Variants in CRPPA observed in about 807,000 individuals in gnomAD.
CRPPA encodes the protein D-ribitol-5-phosphate cytidylyltransferase.
Under a neutral mutation model 52.0 loss-of-function variants are expected in CRPPA, and 43 were observed. The observed-to-expected ratio is 0.83, with a 90% CI of 0.65 to 1.07. CRPPA has a LOEUF of 1.07. Among genes scored for constraint, CRPPA ranks in the 50% least tolerant of loss-of-function variants. CRPPA has a pLI of 0.00. For synonymous variants in CRPPA, 250 were observed against 203.5 expected (o/e 1.23, Z -1.94); for missense variants, 629 against 551.7 (o/e 1.14, Z -1.40).
At chr7:16,214,270 C>T (rs1782242690) in intron 9 of CRPPA, among the ~76,000 whole-genome samples, 1 of 152,146 alleles carries the variant, frequency 6.6e-6, no homozygotes. Flanking sequence ...GGCAACATTA[C>T]ACTTTACTGG....
At chr7:16,209,799 T>C (rs1413510238) in intron 9 of CRPPA, among the ~76,000 whole-genome samples, 2 of 152,220 alleles carry the variant, frequency 1.3e-5, no homozygotes, top group Non-Finnish European at 2.9e-5. Context: ...AATTTAAGTT[T>C]GGTATCTAAA....
At chr7:16,276,696 A>G (rs905310229) in intron 6 of CRPPA, 6 of 152,206 alleles carry the variant, frequency 3.9e-5, no homozygotes, top group Admixed American at 1.3e-4. Flanking sequence ...AGGTATCAAC[A>G]TAAGGATTGT....
In CRPPA at chr7:16,146,290, T is replaced by A. The variant is rs949196081; in HGVS notation, c.1252-54491A>T. Among the ~76,000 whole-genome samples the A allele has an allele frequency of 1.9e-4, 29 of 151,876 alleles. 1 individual carries two copies. The highest frequency in any genetic ancestry group is 7.0e-4 in the African/African-American group (29 of 41,378). On this transcript the variant is annotated intron_variant, in intron 9 of 9. Coordinates refer to ENST00000407010, the MANE Select transcript of CRPPA (RefSeq NM_001101426.4). ...GTGGAGAGATAAAGACTTTCCTTTA[T>A]CTCTTTATCTCTTTATTTGTTCTTT...
chr7:16,346,882 G>A (rs1293559666), intron 3 of CRPPA, among the ~76,000 whole-genome samples: 1 of 151,916 alleles, frequency 6.6e-6, no homozygotes, highest in Non-Finnish European at 1.5e-5. Context: ...AGGAGAAACA[G>A]TCCTGTGTAT....
chr7:16,373,926 CCA>C (rs1786814120), intron 3 of CRPPA, among the ~76,000 whole-genome samples: 1 of 152,142 alleles, frequency 6.6e-6, no homozygotes, highest in Non-Finnish European at 1.5e-5. Flanking sequence ...TTTTATTTTG[CCA>C]CATTCAACAG....
intron 9 of CRPPA, among the ~76,000 whole-genome samples, chr7:16,207,320 T>G (rs548808706): frequency 6.6e-6 from 1 of 152,298 alleles, no homozygotes; most frequent in Admixed American, 6.5e-5. Context: ...TTTCAAAGCA[T>G]TCAGTCTTAT....
At chr7:16,380,891 A>G (rs970783392) in intron 2 of CRPPA, among the ~76,000 whole-genome samples, 30 of 151,050 alleles carry the variant, frequency 2.0e-4, no homozygotes, top group African/African-American at 5.6e-4. Flanking sequence ...TTTCTTCTTT[A>G]TTAGTCTTGC....
intron 9 of CRPPA, among the ~76,000 whole-genome samples, chr7:16,127,801 A>C (rs1782607567): frequency 6.6e-6 from 1 of 152,174 alleles, no homozygotes; most frequent in Admixed American, 6.6e-5. Flanking sequence ...AAAAATAATA[A>C]ATCACAAAAA....
chr7:16,173,091 C>T (rs1485322958), intron 9 of CRPPA, among the ~76,000 whole-genome samples: 1 of 152,172 alleles, frequency 6.6e-6, no homozygotes, highest in African/African-American at 2.4e-5. Flanking sequence ...CAGTGATTAT[C>T]AAGGTCGTTT....
At chr7:16,357,351 G>A (rs569022085) in intron 3 of CRPPA, among the ~76,000 whole-genome samples, 1 of 151,970 alleles carries the variant, frequency 6.6e-6, no homozygotes, top group African/African-American at 2.4e-5. Context: ...GCTAATTTTT[G>A]TAGTTTTAGT....
At chr7:16,349,940 C>G (rs1254469798) in intron 3 of CRPPA, among the ~76,000 whole-genome samples, 1 of 151,816 alleles carries the variant, frequency 6.6e-6, no homozygotes, top group East Asian at 1.9e-4. Flanking sequence ...CCAAAGAGAC[C>G]ATATCAAGAA....
At position 16,317,398 on chromosome 7, in the gene CRPPA, T is replaced by G. The variant is rs181080075; in HGVS notation, c.685-8771A>C. 2.5e-3 allele frequency among the ~76,000 whole-genome samples: 385 copies of G among 152,286 alleles called. 2 individuals carry two copies. The highest frequency in any genetic ancestry group is 4.1e-3 in the Non-Finnish European group (280 of 68,016). On this transcript the variant is annotated intron_variant, in intron 3 of 9. Coordinates refer to ENST00000407010, the MANE Select transcript of CRPPA (RefSeq NM_001101426.4). ...AATGTAAATTGTTAACCCTAAAAAT[T>G]GAGGTTTAAATGTTACCAGATGCTA...
At chr7:16,110,734 G>C (rs1299088229) in intron 9 of CRPPA, among the ~76,000 whole-genome samples, 1 of 152,054 alleles carries the variant, frequency 6.6e-6, no homozygotes, top group Non-Finnish European at 1.5e-5. Context: ...GGGAAACCTA[G>C]ATATCCACAT....
chr7:16,189,535 A>G (rs1035006705), intron 9 of CRPPA, among the ~76,000 whole-genome samples: 1 of 152,204 alleles, frequency 6.6e-6, no homozygotes, highest in Admixed American at 6.6e-5. Context: ...GGAAAATCTG[A>G]ATCAGGAACA....
intron 4 of CRPPA, among the ~76,000 whole-genome samples, chr7:16,307,232 G>A (rs1383570304): frequency 6.6e-6 from 1 of 152,126 alleles, no homozygotes; most frequent in Non-Finnish European, 1.5e-5. Flanking sequence ...ATTTCCAAAT[G>A]TACTTATTTC....
chr7:16,163,995 T>C (rs952658412), intron 9 of CRPPA, among the ~76,000 whole-genome samples: 1 of 152,132 alleles, frequency 6.6e-6, no homozygotes, highest in Non-Finnish European at 1.5e-5. Context: ...TGTCTTGGGG[T>C]TGCTCTTCTA....
At chr7:16,370,909 A>C (rs1786731042) in intron 3 of CRPPA, among the ~76,000 whole-genome samples, 1 of 152,002 alleles carries the variant, frequency 6.6e-6, no homozygotes, top group Non-Finnish European at 1.5e-5. Context: ...CAGAAGGGGC[A>C]CTCCTGGATT....
At chr7:16,280,884 A>G (rs1333742201) in intron 5 of CRPPA, among the ~76,000 whole-genome samples, 1 of 151,954 alleles carries the variant, frequency 6.6e-6, no homozygotes, top group Non-Finnish European at 1.5e-5. Flanking sequence ...GCCGGGCATG[A>G]TGGTGCACTC....
intron 3 of CRPPA, among the ~76,000 whole-genome samples, chr7:16,344,405 C>CAAAAAA (rs35320924): frequency 2.0e-5 from 2 of 99,372 alleles, no homozygotes; most frequent in Non-Finnish European, 2.0e-5. Flanking sequence ...TATCTCTACC[C>CAAAAAA]AAAAAAAAAA....
Sources: allele counts gnomAD v4.1 joint callset (sites outside exome capture counted in the v4.1 genomes callset), GRCh38; gene constraint gnomAD v4.1.1; transcripts MANE v1.5; gene names NCBI Gene and HGNC (gene_info 2026-07-23, HGNC 2026-07-21).